Variants in ZWILCH observed in about 807,000 individuals in gnomAD.
The protein encoded by ZWILCH is protein zwilch homolog.
ZWILCH carries 74 observed loss-of-function variants against 79.9 expected under a neutral mutation model. That is an observed-to-expected ratio of 0.93 (90% CI 0.77 to 1.12). The LOEUF is 1.12. ZWILCH is among the 50% of genes most tolerant of loss of function. ZWILCH has a pLI of 0.00. For missense variants in ZWILCH, 694 were observed against 687.5 expected (o/e 1.01, Z -0.11); for synonymous variants, 241 against 228.2 (o/e 1.06, Z -0.51).
intron 9 of ZWILCH, 60 bp from the exon 10 acceptor site, chr15:66,527,797 G>A: frequency 1.4e-6 from 2 of 1,435,998 alleles, no homozygotes; most frequent in Non-Finnish European, 1.9e-6. Flanking sequence ...ATAGGATTAG[G>A]ATGGAAATAA....
At chr15:66,515,413 A>G (rs1328298652) in intron 3 of ZWILCH, 113 bp from the exon 4 acceptor site, 7 of 702,268 alleles carry the variant, frequency 1.0e-5, no homozygotes, top group Non-Finnish European at 1.6e-5. Context: ...GCTTAAGGGT[A>G]TAAAAATAAG....
intron 4 of ZWILCH, 115 bp downstream of exon 4, chr15:66,515,759 C>G (rs948201574): frequency 1.5e-5 from 11 of 746,960 alleles, no homozygotes; most frequent in Non-Finnish European, 2.4e-5. Flanking sequence ...ATCTCCCCCA[C>G]CCCCTGATAA....
At chr15:66,510,008 C>G (rs966618958) in intron 2 of ZWILCH, among the ~76,000 whole-genome samples, 1 of 149,790 alleles carries the variant, frequency 6.7e-6, no homozygotes, top group Non-Finnish European at 1.5e-5. Flanking sequence ...GAAACCCCAG[C>G]TCTACTAAAA....
At position 66,527,528 on chromosome 15, in the gene ZWILCH, A is replaced by G. The variant is rs1894714132; in HGVS notation, c.913+145A>G. The G allele has an allele frequency of 9.0e-6, 6 of 664,294 alleles. No individual in the cohort carries two copies. The South Asian group carries it at 1.2e-4, about 13-fold the overall frequency. The allele number at this position is 664,294 out of a possible 1,614,324, so 41.1% of individuals were successfully genotyped here. ...GTCAGAGGGACAGCTTTTGTTCTGA[A>G]TTGCTAATGGTAGAGATCTAAGTAA... On this transcript the variant is annotated intron_variant, in intron 9 of 18. Transcript: ENST00000307897.
chr15:66,521,143 A>G lies in ZWILCH; in HGVS notation c.685A>G (p.Ile229Val). The G allele has an allele frequency of 1.9e-6, 3 of 1,614,002 alleles. No homozygotes were observed. The highest frequency in any genetic ancestry group is 2.5e-6 in the Non-Finnish European group (3 of 1,180,020). Residue 229 changes from isoleucine (I) to valine (V), a missense_variant, in exon 7 of 19, where the codon ATT becomes GTT. By Grantham distance (29) the Ile-to-Val change is conservative. Coordinates refer to ENST00000307897, the MANE Select transcript of ZWILCH (RefSeq NM_017975.5). ...TASQTAIALD[I>V]SWSPVDEILQ... The stretch of plus-strand genomic sequence containing the variant: ...ATCACAAACTGCGATCGCTTTGGAT[A>G]TTTCCTGGAGTCCTGTGGATGAGAT...
chr15:66,535,822 A>C, intron 14 of ZWILCH, 111 bp from the exon 15 acceptor site: 1 of 813,954 alleles, frequency 1.2e-6, no homozygotes, highest in South Asian at 2.5e-5. Context: ...TTTTTTTTTT[A>C]ATGCCTGTTA....
chr15:66,531,494 T>C (rs1198838891), intron 12 of ZWILCH, among the ~76,000 whole-genome samples: 5 of 152,152 alleles, frequency 3.3e-5, no homozygotes, highest in Non-Finnish European at 4.4e-5. Context: ...AGAGTCTTGC[T>C]CTATTGCCCA....
chr15:66,544,308 C>G (rs909839416), intron 17 of ZWILCH, among the ~76,000 whole-genome samples: 2 of 151,380 alleles, frequency 1.3e-5, no homozygotes, highest in African/African-American at 4.8e-5. Flanking sequence ...AAAGAAGAAA[C>G]GTATTTTATG....
chr15:66,540,330 TTG>T, intron 17 of ZWILCH, 120 bp downstream of exon 17: 2 of 672,484 alleles, frequency 3.0e-6, no homozygotes, highest in Non-Finnish European at 5.0e-6. Context: ...GGTGGGCAGA[TTG>T]TGTGAGCTCA....
intron 8 of ZWILCH, among the ~76,000 whole-genome samples, chr15:66,525,761 T>TC (rs1894649637): frequency 7.3e-6 from 1 of 136,784 alleles, no homozygotes; most frequent in African/African-American, 2.7e-5. Context: ...TTTTTCTTTT[T>TC]TTTTTTTTTT....
At chr15:66,537,122 T>C in intron 15 of ZWILCH, 46 bp from the exon 16 acceptor site, 1 of 1,499,174 alleles carries the variant, frequency 6.7e-7, no homozygotes, top group Admixed American at 1.7e-5. Context: ...AAACGTTATG[T>C]CAAATGGCTC....
At chr15:66,523,527 A>G in intron 7 of ZWILCH, 150 bp from the exon 8 acceptor site, 1 of 584,422 alleles carries the variant, frequency 1.7e-6, no homozygotes, top group Non-Finnish European at 3.1e-6. Flanking sequence ...GATGTTCTAA[A>G]TGATGTGTTG....
chr15:66,522,331 CT>C (rs1292788536), intron 7 of ZWILCH, among the ~76,000 whole-genome samples: 13,946 of 135,740 alleles, frequency 0.1, 588 homozygotes, highest in East Asian at 0.31. Context: ...AGATTTCTTT[CT>C]TTTTTTTTTT....
intron 5 of ZWILCH, 73 bp downstream of exon 5, chr15:66,519,151 GA>G (rs1894400560): frequency 4.8e-6 from 7 of 1,459,076 alleles, no homozygotes; most frequent in Admixed American, 3.5e-5. Flanking sequence ...GTTTTTTTAC[GA>G]AAATTGATAT....
intron 8 of ZWILCH, among the ~76,000 whole-genome samples, chr15:66,525,820 G>T (rs765788591): frequency 3.5e-5 from 5 of 141,736 alleles, no homozygotes; most frequent in Admixed American, 7.3e-5. Context: ...GGAGTGCAGT[G>T]GTGTAGTCTT....
chr15:66,546,524 C>A, intron 17 of ZWILCH, 67 bp from the exon 18 acceptor site: 2 of 1,001,052 alleles, frequency 2.0e-6, no homozygotes, highest in Non-Finnish European at 1.5e-6. Context: ...GTGTAAAATT[C>A]AGCATTATAC....
chr15:66,508,897 G>A lies in ZWILCH; in HGVS notation c.105+5G>A. The A allele has an allele frequency of 6.2e-7, 1 of 1,613,296 alleles. No individual in the cohort carries two copies. Among genetic ancestry groups the A allele is most frequent in the Non-Finnish European group, 8.5e-7 (1 of 1,179,728 alleles). On this transcript the variant is annotated splice_donor_5th_base_variant and intron_variant, in intron 2 of 18. Coordinates refer to ENST00000307897, the MANE Select transcript of ZWILCH (RefSeq NM_017975.5). ...AAAGACCCATTTCTCTATGAGGTAT[G>A]AACAATTTGGTTTTTAAACACAACT...
chr15:66,528,003 G>A, intron 10 of ZWILCH, 91 bp downstream of exon 10: 1 of 1,024,004 alleles, frequency 9.8e-7, no homozygotes, highest in South Asian at 1.8e-5. Flanking sequence ...CATCGCAAAT[G>A]GATTTGGGAT....
chr15:66,505,555 G>A, intron 1 of ZWILCH, 164 bp downstream of exon 1: 2 of 731,566 alleles, frequency 2.7e-6, no homozygotes, highest in Non-Finnish European at 4.5e-6. Context: ...TCCGGTGTGG[G>A]GTTGACCGTG....
Sources: gnomAD v4.1 joint callset for allele counts (sites outside exome capture counted in the v4.1 genomes callset) on GRCh38, gnomAD v4.1.1 for gene constraint, MANE v1.5 for transcripts, NCBI Gene and HGNC (gene_info 2026-07-23, HGNC 2026-07-21) for gene names.